Variants in SLA observed in about 807,000 individuals in gnomAD.
SLA encodes src-like-adapter.
Under a neutral mutation model 30.3 loss-of-function variants are expected in SLA, and 16 were observed. That is an observed-to-expected ratio of 0.53 (90% confidence interval 0.36 to 0.80). The LOEUF is 0.80. Ranked by LOEUF, SLA falls within the 30% of genes least tolerant of loss-of-function variation. The probability of loss-of-function intolerance (pLI) is 0.01; values close to 1 mark genes in which losing one functional copy is unlikely to be tolerated. For synonymous variants in SLA, 143 were observed against 137.8 expected (o/e 1.04, Z -0.26); for missense variants, 310 against 345.2 (o/e 0.90, Z 0.81).
At chr8:133,094,466 T>A (rs545579129) in intron 1 of SLA, among the ~76,000 whole-genome samples, 87 of 152,156 alleles carry the variant, frequency 5.7e-4, no homozygotes, top group African/African-American at 1.9e-3. Flanking sequence ...GGTCTCGATC[T>A]CCTGACCTTG....
intron 2 of SLA, among the ~76,000 whole-genome samples, chr8:133,060,933 G>T (rs1459582842): frequency 6.6e-5 from 10 of 152,186 alleles, no homozygotes; most frequent in African/African-American, 2.2e-4. Flanking sequence ...CTCCATAACG[G>T]TTTTCAAGTT....
At chr8:133,075,942 A>G (rs1468036079) in intron 1 of SLA, 1 of 152,194 alleles carries the variant, frequency 6.6e-6, no homozygotes, top group Admixed American at 6.5e-5. Flanking sequence ...TATGTTATAT[A>G]TTATAAAATG....
chr8:133,049,589 T>C (rs1387435119), intron 5 of SLA: 3 of 353,502 alleles, frequency 8.5e-6, no homozygotes, highest in African/African-American at 6.2e-5. Context: ...CACTGACTTC[T>C]AGTCTCTGCA....
rs1391386114 is a variant in SLA at position 133,060,375 on chromosome 8, A to C, written c.-40-175T>G. The C allele has an allele frequency of 4.6e-6, 7 of 1,530,194 alleles. No individual in the cohort carries two copies. The East Asian group carries it at 1.7e-4, about 38-fold the overall frequency. 94.8% of individuals were successfully genotyped at this position (1,530,194 alleles called of 1,614,324 possible). On this transcript the variant is annotated intron_variant, in intron 2 of 8. Transcript: ENST00000338087. ...AGATTGGTTACTTTTGCGCAGCTCA[A>C]GTTCTTTTATCAAGGGAATGACAGA...
chr8:133,058,493 C>A (rs1841864536), intron 3 of SLA, among the ~76,000 whole-genome samples: 1 of 152,370 alleles, frequency 6.6e-6, no homozygotes, highest in Non-Finnish European at 1.5e-5. Flanking sequence ...GAGGTTCGCT[C>A]AAGCATGCTG....
intron 2 of SLA, among the ~76,000 whole-genome samples, chr8:133,074,570 A>G (rs946305448): frequency 6.6e-6 from 1 of 152,220 alleles, no homozygotes; most frequent in African/African-American, 2.4e-5. Flanking sequence ...CCTTTGTAAG[A>G]AGCCTGCTAA....
At chr8:133,050,043 G>A (rs1381779136) in intron 4 of SLA, 55 bp from the exon 5 acceptor site, 1 of 1,123,308 alleles carries the variant, frequency 8.9e-7, no homozygotes. Context: ...CAAAACCAAA[G>A]GATGAATGAA....
chr8:133,096,208 C>T, intron 1 of SLA: 2 of 1,614,238 alleles, frequency 1.2e-6, no homozygotes, highest in Non-Finnish European at 1.7e-6. Flanking sequence ...CAATGCAGCT[C>T]CTGGCCGTGA....
intron 7 of SLA, 144 bp downstream of exon 7, chr8:133,044,840 A>T: frequency 2.6e-6 from 2 of 765,864 alleles, no homozygotes; most frequent in Admixed American, 2.5e-5. Context: ...TGAAATTTAC[A>T]GTCTGAATTA....
intron 2 of SLA, among the ~76,000 whole-genome samples, chr8:133,064,839 A>C (rs1481179400): frequency 6.6e-6 from 1 of 152,058 alleles, no homozygotes; most frequent in Non-Finnish European, 1.5e-5. Context: ...CACCTGGTCC[A>C]TCTTGTGCTT....
At chr8:133,061,839 G>A (rs1057001825) in intron 2 of SLA, among the ~76,000 whole-genome samples, 8 of 152,158 alleles carry the variant, frequency 5.3e-5, no homozygotes, top group African/African-American at 9.7e-5. Flanking sequence ...GGCCCTCCCC[G>A]GGTTGAGGGA....
intron 4 of SLA, chr8:133,050,311 C>A: frequency 2.7e-6 from 1 of 377,078 alleles, no homozygotes; most frequent in Non-Finnish European, 5.0e-6. Flanking sequence ...GATTTATGCT[C>A]TGCAGTATAG....
chr8:133,041,825 G>T (rs916040145), intron 7 of SLA, among the ~76,000 whole-genome samples: 3 of 130,838 alleles, frequency 2.3e-5, no homozygotes, highest in East Asian at 2.2e-4. Context: ...GTCTTGCTCT[G>T]TCTCCAGGCT....
intron 3 of SLA, among the ~76,000 whole-genome samples, chr8:133,055,357 GCACGCGCGCACACACA>G (rs1212414882): frequency 1.7e-5 from 1 of 59,896 alleles, no homozygotes; most frequent in Admixed American, 1.6e-4. Flanking sequence ...ACACACACAC[GCACGCGCGCACACACA>G]CACACACACA....
At chr8:133,055,611 A>T (rs1274862788) in intron 3 of SLA, among the ~76,000 whole-genome samples, 2 of 152,132 alleles carry the variant, frequency 1.3e-5, no homozygotes, top group African/African-American at 4.8e-5. Context: ...GACAGATTGG[A>T]ACTAAACAGA....
intron 3 of SLA, among the ~76,000 whole-genome samples, chr8:133,059,748 A>C (rs982767170): frequency 2.0e-5 from 3 of 152,164 alleles, no homozygotes; most frequent in African/African-American, 7.2e-5. Context: ...TCAGAATTGG[A>C]TGGGCCTGGA....
At chr8:133,060,502 G>T in intron 2 of SLA, 2 of 762,322 alleles carry the variant, frequency 2.6e-6, no homozygotes, top group Non-Finnish European at 4.0e-6. Context: ...AGCAGGGTTT[G>T]TGTGAGAAAC....
chr8:133,099,865 A>C (rs1848986601), intron 1 of SLA, among the ~76,000 whole-genome samples: 1 of 152,050 alleles, frequency 6.6e-6, no homozygotes, highest in Admixed American at 6.5e-5. Context: ...CAGCCACTTT[A>C]TTTGAGATTT....
At chr8:133,050,086 G>A (rs2741194) in intron 4 of SLA, 98 bp from the exon 5 acceptor site, 157,809 of 842,002 alleles carry the variant, frequency 0.19, 19,972 homozygotes, top group East Asian at 0.51. Context: ...GGACAGTTTG[G>A]AACATTCCTC....
Sources: gnomAD v4.1 joint callset for allele counts (sites outside exome capture counted in the v4.1 genomes callset) on GRCh38, gnomAD v4.1.1 for gene constraint, MANE v1.5 for transcripts, NCBI Gene and HGNC (gene_info 2026-07-23, HGNC 2026-07-21) for gene names.